The following FGFR2 variants were observed in gnomAD, a reference collection of about 807,000 sequenced individuals.
The protein encoded by FGFR2 is fibroblast growth factor receptor 2, also known as BEK fibroblast growth factor receptor.
In FGFR2, 19 loss-of-function variants were observed where a neutral mutation model predicts 95.9. The observed-to-expected ratio is 0.20, with a 90% CI of 0.14 to 0.29. FGFR2 has a LOEUF of 0.29. FGFR2 is among the 10% of genes least tolerant of loss of function. FGFR2 has a pLI of 1.00. For synonymous variants in FGFR2, 392 were observed against 393.3 expected (o/e 1.00, Z 0.04); for missense variants, 707 against 1,056.9 (o/e 0.67, Z 4.59).
At chr10:121,560,100 G>A (rs74795294) in intron 4 of FGFR2, among the ~76,000 whole-genome samples, 3,282 of 152,178 alleles carry the variant, frequency 0.022, 129 homozygotes, top group African/African-American at 0.075. Context: ...CACCCCCATC[G>A]TGACCCTAGG....
chr10:121,586,295 TG>T (rs758886542), intron 2 of FGFR2, among the ~76,000 whole-genome samples: 1 of 152,218 alleles, frequency 6.6e-6, no homozygotes, highest in Non-Finnish European at 1.5e-5. Context: ...ATACATCCCT[TG>T]TTCTCGTTCT....
intron 2 of FGFR2, among the ~76,000 whole-genome samples, chr10:121,586,189 C>T (rs1056360583): frequency 2.0e-5 from 3 of 152,050 alleles, no homozygotes; most frequent in Non-Finnish European, 2.9e-5. Context: ...CTCAAGGGTT[C>T]GAAAATAATC....
chr10:121,534,101 T>C (rs1259876191), intron 6 of FGFR2, among the ~76,000 whole-genome samples: 1 of 144,012 alleles, frequency 6.9e-6, no homozygotes, highest in Non-Finnish European at 1.5e-5. Flanking sequence ...CTTTTTTTTT[T>C]TTTTTTTTTT....
intron 6 of FGFR2, among the ~76,000 whole-genome samples, chr10:121,523,843 TCTTA>T (rs1850908623): frequency 1.3e-5 from 2 of 152,210 alleles, no homozygotes; most frequent in Admixed American, 1.3e-4. Flanking sequence ...AAGTCCTCTT[TCTTA>T]AACATATTTG....
At chr10:121,544,198 A>G (rs1391842018) in intron 5 of FGFR2, among the ~76,000 whole-genome samples, 1 of 152,198 alleles carries the variant, frequency 6.6e-6, no homozygotes, top group African/African-American at 2.4e-5. Flanking sequence ...CTGTAATCCC[A>G]GCACTTTGGG....
Position 121,503,846 on chromosome 10 carries a change from T to G in FGFR2, c.1383A>C (p.Ala461=). The change falls in exon 10 of 18, where the codon GCA becomes GCC. Residue 461 remains alanine, a synonymous_variant. Coordinates refer to ENST00000358487, the MANE Select transcript of FGFR2 (RefSeq NM_000141.5). The stretch of plus-strand genomic sequence containing the variant: ...CTGGAAGTTCATACTCGGAGACCCC[T>G]GCCAGCATGGGGGTGTCTGCCGTTG... ...LSSTADTPML[A]GVSEYELPED... is the part of the protein sequence containing the mutation. The G allele has an allele frequency of 6.2e-7, 1 of 1,614,164 alleles. No individual in the cohort carries two copies. The highest frequency in any genetic ancestry group is 1.1e-5 in the South Asian group (1 of 91,078).
intron 17 of FGFR2, among the ~76,000 whole-genome samples, chr10:121,481,157 C>T (rs754437986): frequency 3.5e-4 from 53 of 152,070 alleles, no homozygotes; most frequent in Non-Finnish European, 6.8e-4. Context: ...AAGCAGTTGC[C>T]GACCCCTGTT....
intron 17 of FGFR2, among the ~76,000 whole-genome samples, chr10:121,481,207 G>T (rs1844629014): frequency 6.6e-6 from 1 of 152,112 alleles, no homozygotes. Flanking sequence ...GAACTTGTGG[G>T]TCTCTCTGCC....
At chr10:121,520,843 A>C (rs1456119064) in intron 6 of FGFR2, among the ~76,000 whole-genome samples, 1 of 152,156 alleles carries the variant, frequency 6.6e-6, no homozygotes, top group African/African-American at 2.4e-5. Flanking sequence ...GGATTTCATC[A>C]TGTTGCCTGG....
intron 5 of FGFR2, among the ~76,000 whole-genome samples, chr10:121,549,333 T>G (rs1487810517): frequency 6.6e-6 from 1 of 152,148 alleles, no homozygotes; most frequent in African/African-American, 2.4e-5. Flanking sequence ...GGAGCTAAAG[T>G]GATGCTGGTG....
At chr10:121,507,698 A>G (rs539901428) in intron 9 of FGFR2, among the ~76,000 whole-genome samples, 4 of 152,256 alleles carry the variant, frequency 2.6e-5, no homozygotes, top group Admixed American at 1.3e-4. Flanking sequence ...TGGCACTAAG[A>G]GCTCAGTTAA....
At position 121,524,099 on chromosome 10, in the gene FGFR2, T is replaced by TACAC. The variant is rs1491543645; in HGVS notation, c.749-3931_749-3930insGTGT. 4.7e-3 allele frequency among the ~76,000 whole-genome samples: 641 copies of TACAC among 137,156 alleles called. 3 individuals are homozygous for TACAC. The highest frequency in any genetic ancestry group is 0.013 in the African/African-American group (450 of 34,188). The allele number at this position is 137,156 out of a possible 152,430, so 90.0% of individuals were successfully genotyped here. ...TTATTCCAATGCTATCCCGGCTATG[T>TACAC]ATACACACACACACACACACACACA... On this transcript the variant is annotated intron_variant, in intron 6 of 17. Transcript: ENST00000358487.
chr10:121,480,539 T>G (rs1412235550), intron 17 of FGFR2: 2 of 226,762 alleles, frequency 8.8e-6, no homozygotes, highest in African/African-American at 4.5e-5. Context: ...AATTACATTT[T>G]ACTATTGTAG....
intron 2 of FGFR2, among the ~76,000 whole-genome samples, chr10:121,589,297 T>C (rs1314795226): frequency 6.6e-6 from 1 of 152,212 alleles, no homozygotes; most frequent in Admixed American, 6.5e-5. Flanking sequence ...GTCTGCAAAC[T>C]GGAAGACTAG....
At chr10:121,569,852 G>A (rs1001355891) in intron 2 of FGFR2, among the ~76,000 whole-genome samples, 3 of 152,290 alleles carry the variant, frequency 2.0e-5, no homozygotes, top group Non-Finnish European at 4.4e-5. Context: ...GGGGATCAGC[G>A]GTGCCTTTAG....
At chr10:121,537,288 T>C (rs1564947757) in intron 6 of FGFR2, among the ~76,000 whole-genome samples, 2 of 152,362 alleles carry the variant, frequency 1.3e-5, no homozygotes, top group South Asian at 4.1e-4. Flanking sequence ...TGAATGCTTA[T>C]ATGCAAATGG....
At chr10:121,560,156 T>G (rs1446652569) in intron 4 of FGFR2, among the ~76,000 whole-genome samples, 1 of 152,158 alleles carries the variant, frequency 6.6e-6, no homozygotes, top group Non-Finnish European at 1.5e-5. Flanking sequence ...GCCCTTCTTT[T>G]GCTTGCTAAG....
rs1463726644 is a variant in FGFR2 at position 121,485,600 on chromosome 10, C to T, written c.2058-68G>A. 1 of 1,608,044 alleles carries T rather than the reference C, an allele frequency of 6.2e-7. No homozygotes were observed. Among genetic ancestry groups the T allele is most frequent in the African/African-American group, 1.3e-5 (1 of 74,832 alleles). Reference sequence around the variant, plus strand: ...GTTGCCAAAACCTAAACACGCCCAGCTGAGACATAAACACCTCCTCACTTC... The same window carrying T: ...GTTGCCAAAACCTAAACACGCCCAGTTGAGACATAAACACCTCCTCACTTC... On this transcript the variant is annotated intron_variant, in intron 15 of 17. Coordinates refer to ENST00000358487, the MANE Select transcript of FGFR2 (RefSeq NM_000141.5). The surrounding 1 kb of genome is among the most constrained non-coding windows in gnomAD (Gnocchi z 4.2).
intron 2 of FGFR2, among the ~76,000 whole-genome samples, chr10:121,577,668 T>C (rs2912779): frequency 0.52 from 79,556 of 151,920 alleles, 21,495 homozygotes; most frequent in South Asian, 0.6. Context: ...CCCAGAATTC[T>C]ACCTCTGGCT....
Sources: gnomAD v4.1 joint callset for allele counts (sites outside exome capture counted in the v4.1 genomes callset) on GRCh38, gnomAD v4.1.1 for gene constraint, Gnocchi (gnomAD v3.1) non-coding constraint, MANE v1.5 for transcripts, NCBI Gene and HGNC (gene_info 2026-07-23, HGNC 2026-07-21) for gene names.